RNF214: variants seen among roughly 807,000 people sequenced by gnomAD.
RNF214 encodes ring finger protein 214.
RNF214 carries 25 observed loss-of-function variants against 75.9 expected under a neutral mutation model. The observed-to-expected ratio is 0.33, with a 90% CI of 0.24 to 0.46. The LOEUF (loss-of-function observed/expected upper bound fraction) is 0.46, where lower values mean the gene tolerates loss of function less well. Ranked by LOEUF, RNF214 falls within the 20% of genes least tolerant of loss-of-function variation. The probability of loss-of-function intolerance (pLI) is 1.00; values close to 1 mark genes in which losing one functional copy is unlikely to be tolerated. For synonymous variants in RNF214, 314 were observed against 308.8 expected (o/e 1.02, Z -0.18); for missense variants, 725 against 857.5 (o/e 0.85, Z 1.93).
At chr11:117,240,384 T>TAA (rs372718608) in intron 4 of RNF214, among the ~76,000 whole-genome samples, 28 of 61,694 alleles carry the variant, frequency 4.5e-4, no homozygotes, top group African/African-American at 9.2e-4. Flanking sequence ...CAAAAAAAAT[T>TAA]AAAAAAAAAA....
At chr11:117,233,624 C>T (rs1367310197) in intron 1 of RNF214, among the ~76,000 whole-genome samples, 1 of 152,096 alleles carries the variant, frequency 6.6e-6, no homozygotes, top group African/African-American at 2.4e-5. Context: ...TGTTTTTTAC[C>T]TTGACTTTTT....
intron 4 of RNF214, among the ~76,000 whole-genome samples, chr11:117,243,989 G>A (rs754783054): frequency 2.6e-5 from 4 of 152,078 alleles, no homozygotes; most frequent in Non-Finnish European, 5.9e-5. Context: ...CATGTTCCCG[G>A]ACGCTTTTTT....
chr11:117,274,846 A>ATT (rs769441349), intron 6 of RNF214, among the ~76,000 whole-genome samples: 1 of 144,712 alleles, frequency 6.9e-6, no homozygotes, highest in African/African-American at 2.5e-5. Context: ...ATTTTTGTAA[A>ATT]TTTTTTTTTT....
At chr11:117,269,280 C>T (rs577696858) in intron 6 of RNF214, among the ~76,000 whole-genome samples, 2 of 152,136 alleles carry the variant, frequency 1.3e-5, no homozygotes, top group Non-Finnish European at 2.9e-5. Flanking sequence ...TGAACCTAAA[C>T]AACAATGGCC....
intron 8 of RNF214, among the ~76,000 whole-genome samples, chr11:117,280,982 CTTTT>C (rs57955215): frequency 2.3e-5 from 2 of 88,018 alleles, no homozygotes; most frequent in African/African-American, 4.6e-5. Flanking sequence ...AGGAATAGGG[CTTTT>C]TTTTTTTTTT....
At chr11:117,245,180 G>T (rs937967028) in intron 5 of RNF214, among the ~76,000 whole-genome samples, 3 of 150,180 alleles carry the variant, frequency 2.0e-5, no homozygotes, top group Non-Finnish European at 3.0e-5. Context: ...TGAGCCGGGC[G>T]TGGTGGTGTG....
intron 6 of RNF214, among the ~76,000 whole-genome samples, chr11:117,272,945 G>C (rs1436425741): frequency 6.6e-6 from 1 of 151,962 alleles, no homozygotes; most frequent in African/African-American, 2.4e-5. Flanking sequence ...TACTGAACCA[G>C]AAATTAAAAC....
chr11:117,244,733 T>TTGGCTCACTGCAGCCTC lies in RNF214; in HGVS notation c.819+151_819+167dup, dbSNP rs969025179. ...CAGGCTGGAATGTGGTAGCATAATC[T>TTGGCTCACTGCAGCCTC]TGGCTCACTGCAGCCTCTGTCTCCT... On this transcript the variant is annotated intron_variant, in intron 5 of 14. Coordinates refer to ENST00000300650, the MANE Select transcript of RNF214 (RefSeq NM_207343.4). 6 of 564,910 alleles carry TTGGCTCACTGCAGCCTC rather than the reference T, an allele frequency of 1.1e-5. No homozygotes were observed. The Admixed American group carries it at 1.2e-4, about 11-fold the overall frequency. 35.0% of individuals were successfully genotyped at this position (564,910 alleles called of 1,614,324 possible).
At chr11:117,235,006 A>T (rs903937854) in intron 2 of RNF214, among the ~76,000 whole-genome samples, 3 of 152,238 alleles carry the variant, frequency 2.0e-5, no homozygotes, top group African/African-American at 7.2e-5. Context: ...TAGTATTTGC[A>T]TATAACCTAT....
chr11:117,273,046 A>G (rs913289596), intron 6 of RNF214, among the ~76,000 whole-genome samples: 5 of 152,194 alleles, frequency 3.3e-5, no homozygotes, highest in Non-Finnish European at 5.9e-5. Context: ...AATATTTTTC[A>G]GATAAAGATC....
In RNF214 at chr11:117,282,517, G is replaced by A. The variant is rs370702034; in HGVS notation, c.1826G>A (p.Arg609Gln). 2.8e-5 allele frequency: 45 copies of A among 1,613,970 alleles called. No individual in the cohort carries two copies. The highest frequency in any genetic ancestry group is 1.6e-4 in the Middle Eastern group (1 of 6,068). Residue 609 changes from arginine (R) to glutamine (Q), a missense_variant, in exon 12 of 15, where the codon CGG becomes CAG. Physicochemically the swap from Arg to Gln is conservative, Grantham distance 43 (BLOSUM62 1). Around this residue, in one of 2 missense-constraint regions of RNF214, gnomAD observed 363 missense variants for 513.0 expected, o/e 0.71. Transcript: ENST00000300650. The part of the protein sequence containing the change: ...LVAARLAEHE[R>Q]VAASTQPLGR... ...GCTGCACGACTGGCAGAACATGAGC[G>A]GGTGGCAGCAAGTACTCAGGTGAGA...
intron 1 of RNF214, 63 bp from the exon 2 acceptor site, chr11:117,234,204 G>C (rs766495844): frequency 8.5e-7 from 1 of 1,173,620 alleles, no homozygotes; most frequent in Non-Finnish European, 1.3e-6. Context: ...TCTGAGGGGG[G>C]AGAGATACAT....
intron 5 of RNF214, among the ~76,000 whole-genome samples, chr11:117,246,378 A>G (rs1023979426): frequency 3.9e-5 from 6 of 152,156 alleles, no homozygotes; most frequent in Admixed American, 3.3e-4. Context: ...AGAGTAAAAC[A>G]AACAAAACCC....
At chr11:117,237,270 A>G (rs7342192) in intron 2 of RNF214, among the ~76,000 whole-genome samples, 3,205 of 152,268 alleles carry the variant, frequency 0.021, 128 homozygotes, top group African/African-American at 0.073. Context: ...ATGTAGAGAG[A>G]GGGTCTTGCT....
At chr11:117,259,295 GT>G (rs2033602480) in intron 6 of RNF214, among the ~76,000 whole-genome samples, 2 of 152,284 alleles carry the variant, frequency 1.3e-5, no homozygotes, top group Admixed American at 1.3e-4. Context: ...ATGTATTGGA[GT>G]TTGTTTATTC....
At chr11:117,284,728 G>A (rs1185034495) in intron 14 of RNF214, among the ~76,000 whole-genome samples, 3 of 152,030 alleles carry the variant, frequency 2.0e-5, no homozygotes, top group African/African-American at 7.2e-5. Flanking sequence ...CCAGGAGTTC[G>A]AGACCAGCCT....
In RNF214 at chr11:117,285,074, C is replaced by A. The variant is rs777581401; in HGVS notation, c.2047-12C>A. 14 of 1,599,570 alleles carry A rather than the reference C, an allele frequency of 8.8e-6. No individual in the cohort carries two copies. Among genetic ancestry groups the A allele is most frequent in the Admixed American group, 1.7e-5 (1 of 59,846 alleles). On this transcript the variant is annotated splice_polypyrimidine_tract_variant and intron_variant, in intron 14 of 14. Coordinates refer to ENST00000300650, the MANE Select transcript of RNF214 (RefSeq NM_207343.4). ...CCAGATAAACCTGAGGTGTGTCTTT[C>A]TTTCTTTCCAGTGTATCAAATTCTG...
rs2033007260 is a variant in RNF214, at chr11:117,239,358, G to A, written c.618+247G>A. ...GTAGGAACTTTATGACCTACGTGTA[G>A]TCTCTTTCACTGAGTAACTGATGAG... On this transcript the variant is annotated intron_variant, in intron 3 of 14. Transcript: ENST00000300650. 3 of 537,948 alleles carry A rather than the reference G, an allele frequency of 5.6e-6. No homozygotes were observed. The African/African-American group carries it at 5.7e-5, about 10-fold the overall frequency. 33.3% of individuals were successfully genotyped at this position (537,948 alleles called of 1,614,324 possible).
At chr11:117,239,337 G>C (rs931762237) in intron 3 of RNF214, 2 of 561,222 alleles carry the variant, frequency 3.6e-6, no homozygotes, top group Non-Finnish European at 6.3e-6. Context: ...TGGCAAGTAG[G>C]AACTTTATGA....
Sources: allele counts gnomAD v4.1 joint callset (sites outside exome capture counted in the v4.1 genomes callset), GRCh38; gene constraint gnomAD v4.1.1; regional missense constraint gnomAD v4.1.1; transcripts MANE v1.5; gene names NCBI Gene and HGNC (gene_info 2026-07-23, HGNC 2026-07-21).